USP47: variants seen among roughly 807,000 people sequenced by gnomAD.
The protein encoded by USP47 is ubiquitin specific peptidase 47, also known as ubiquitin carboxyl-terminal hydrolase 47.
A neutral mutation model predicts 165.1 loss-of-function variants in USP47; 35 were observed. The ratio of observed to expected loss-of-function variants is 0.21; its 90% CI spans 0.16 to 0.28. The LOEUF (loss-of-function observed/expected upper bound fraction) is 0.28, where lower values mean the gene tolerates loss of function less well. Ranked by LOEUF, USP47 falls within the 10% of genes least tolerant of loss-of-function variation. The pLI, the probability that USP47 is intolerant of heterozygous loss-of-function variation, is 1.00. For synonymous variants in USP47, 531 were observed against 544.5 expected (o/e 0.98, Z 0.35); for missense variants, 1,277 against 1,607.4 (o/e 0.79, Z 3.52).
At chr11:11,857,230 C>T (rs1459086923) in intron 1 of USP47, among the ~76,000 whole-genome samples, 1 of 151,896 alleles carries the variant, frequency 6.6e-6, no homozygotes, top group East Asian at 1.9e-4. Context: ...TATACATTTC[C>T]TTCATTTTAT....
intron 3 of USP47, among the ~76,000 whole-genome samples, chr11:11,888,547 G>A (rs750357635): frequency 7.9e-5 from 12 of 152,122 alleles, no homozygotes; most frequent in Non-Finnish European, 1.6e-4. Context: ...TTCTGAAATT[G>A]AGGCAGTAAT....
chr11:11,943,750 T>G (rs1275113178), intron 20 of USP47: 1 of 152,010 alleles, frequency 6.6e-6, no homozygotes, highest in Non-Finnish European at 1.5e-5. Flanking sequence ...AAAAGAACCT[T>G]TATAAAACCT....
At chr11:11,919,423 T>G (rs1853662909) in intron 8 of USP47, among the ~76,000 whole-genome samples, 1 of 151,986 alleles carries the variant, frequency 6.6e-6, no homozygotes, top group Admixed American at 6.6e-5. Flanking sequence ...TAACTAATTT[T>G]TTAATCGTGA....
intron 23 of USP47, 106 bp from the exon 24 acceptor site, chr11:11,950,258 T>G: frequency 2.5e-6 from 2 of 806,228 alleles, no homozygotes; most frequent in Non-Finnish European, 3.8e-6. Context: ...TTATTTGACT[T>G]TTGTATTTGA....
At chr11:11,939,491 T>G (rs1041691820) in intron 18 of USP47, among the ~76,000 whole-genome samples, 1 of 152,072 alleles carries the variant, frequency 6.6e-6, no homozygotes, top group African/African-American at 2.4e-5. Flanking sequence ...ATATTTTGAC[T>G]TCTGTATATG....
chr11:11,880,069 A>G (rs1246836657), intron 1 of USP47, 108 bp from the exon 2 acceptor site: 1 of 723,740 alleles, frequency 1.4e-6, no homozygotes, highest in Admixed American at 3.7e-5. Flanking sequence ...GAAAATACTT[A>G]GTATTTCCTG....
chr11:11,914,565 A>G (rs1013829770), intron 8 of USP47, among the ~76,000 whole-genome samples: 2 of 152,090 alleles, frequency 1.3e-5, no homozygotes, highest in African/African-American at 2.4e-5. Flanking sequence ...AAAAATATTT[A>G]CTCTCTGAAA....
rs200549894 is a variant in USP47 at position 11,956,413 on chromosome 11, TAAAAA to T, written c.*243_*247del. ...AAGTGAAAAGGGATGTGCAAAAAAA[TAAAAA>T]AAAACAACAAAAAAAGCTAACCTTC... On this transcript the variant is annotated 3_prime_UTR_variant, in exon 28 of 28. Transcript: ENST00000527733. The T allele has an allele frequency of 8.9e-6, 3 of 337,494 alleles. No individual in the cohort carries two copies. Among genetic ancestry groups the T allele is most frequent in the Admixed American group, 4.7e-5 (1 of 21,238 alleles). 20.9% of individuals were successfully genotyped at this position (337,494 alleles called of 1,614,324 possible).
At chr11:11,932,889 A>T in intron 14 of USP47, 115 bp from the exon 15 acceptor site, 1 of 723,588 alleles carries the variant, frequency 1.4e-6, no homozygotes, top group Non-Finnish European at 2.3e-6. Flanking sequence ...TAATGGAGAT[A>T]TATCTCCATG....
At chr11:11,937,748 A>G (rs904078123) in intron 17 of USP47, among the ~76,000 whole-genome samples, 3 of 151,906 alleles carry the variant, frequency 2.0e-5, no homozygotes, top group African/African-American at 7.2e-5. Flanking sequence ...TCAAATTTAG[A>G]TTAACAACGT....
chr11:11,846,280 T>A (rs1396226892), intron 1 of USP47, among the ~76,000 whole-genome samples: 1 of 152,184 alleles, frequency 6.6e-6, no homozygotes, highest in Admixed American at 6.5e-5. Flanking sequence ...TCATTAATAT[T>A]CATTGAGTAC....
chr11:11,861,970 C>T (rs554286016), intron 1 of USP47, among the ~76,000 whole-genome samples: 2 of 150,674 alleles, frequency 1.3e-5, no homozygotes, highest in African/African-American at 4.9e-5. Flanking sequence ...AATAATAAAG[C>T]AAATCTACTT....
chr11:11,897,560 A>G (rs771341953), intron 4 of USP47, 37 bp from the exon 5 acceptor site: 6 of 1,414,772 alleles, frequency 4.2e-6, no homozygotes, highest in African/African-American at 1.4e-5. Context: ...TTTAATGTAA[A>G]TGCTGATTAA....
intron 11 of USP47, among the ~76,000 whole-genome samples, chr11:11,928,836 A>C (rs925271574): frequency 2.0e-5 from 3 of 152,088 alleles, no homozygotes; most frequent in African/African-American, 4.8e-5. Context: ...GTTTGCCTAA[A>C]ATAATCTTTA....
chr11:11,852,220 G>A (rs1564850570), intron 1 of USP47, among the ~76,000 whole-genome samples: 1 of 152,018 alleles, frequency 6.6e-6, no homozygotes. Context: ...CTTAATAATA[G>A]TGATTTTCTA....
intron 13 of USP47, 108 bp from the exon 14 acceptor site, chr11:11,930,588 T>C: frequency 1.2e-6 from 1 of 856,294 alleles, no homozygotes; most frequent in Non-Finnish European, 1.8e-6. Context: ...AGTGACATGA[T>C]TTTCTAATTG....
chr11:11,888,162 C>T (rs895997636), intron 3 of USP47, among the ~76,000 whole-genome samples: 10 of 151,758 alleles, frequency 6.6e-5, no homozygotes, highest in African/African-American at 2.4e-4. Context: ...AACTAGAGAA[C>T]CAAGAGCAAA....
In USP47 at chr11:11,956,820, G is replaced by C. The variant is rs1027800318; in HGVS notation, c.*645G>C. On this transcript the variant is annotated 3_prime_UTR_variant, in exon 28 of 28. Transcript: ENST00000527733. The stretch of plus-strand genomic sequence containing the variant: ...CGTTTCCCTTAGACCGATCCCAGCA[G>C]GTGGCAGCTCAGATTGCTGCAGTGT... 6.6e-6 allele frequency: 1 copy of C among 152,544 alleles called. No individual in the cohort carries two copies. Among genetic ancestry groups the C allele is most frequent in the Non-Finnish European group, 1.5e-5 (1 of 68,044 alleles). 9.4% of individuals were successfully genotyped at this position (152,544 alleles called of 1,614,324 possible).
chr11:11,950,261 G>A, intron 23 of USP47, 103 bp from the exon 24 acceptor site: 3 of 808,282 alleles, frequency 3.7e-6, no homozygotes, highest in South Asian at 4.0e-5. Context: ...TTTGACTTTT[G>A]TATTTGAACA....
Sources: allele counts gnomAD v4.1 joint callset (sites outside exome capture counted in the v4.1 genomes callset), GRCh38; gene constraint gnomAD v4.1.1; transcripts MANE v1.5; gene names NCBI Gene and HGNC (gene_info 2026-07-23, HGNC 2026-07-21).